Variants in LMBR1 observed in about 807,000 individuals in gnomAD.
LMBR1 encodes limb region 1 protein homolog.
A neutral mutation model predicts 73.9 loss-of-function variants in LMBR1; 52 were observed. The observed-to-expected ratio is 0.70, with a 90% CI of 0.56 to 0.89. The LOEUF (loss-of-function observed/expected upper bound fraction) is 0.89. Among genes scored for constraint, LMBR1 ranks in the 40% least tolerant of loss-of-function variants. The pLI is 0.00. For missense variants in LMBR1, 539 were observed against 579.8 expected, an observed-to-expected ratio of 0.93 and a Z score of 0.72; for synonymous variants, 215 against 209.4, an observed-to-expected ratio of 1.03 and a Z score of -0.23.
intron 5 of LMBR1, among the ~76,000 whole-genome samples, chr7:156,792,261 A>C (rs1219610821): frequency 6.6e-6 from 1 of 152,184 alleles, no homozygotes; most frequent in Admixed American, 6.6e-5. Context: ...AGAGCCACAT[A>C]CTGCAGAAAA....
rs547412436 is a variant in LMBR1 at position 156,885,569 on chromosome 7, C to T, written c.66+7359G>A. On this transcript the variant is annotated intron_variant, in intron 1 of 16. Transcript: ENST00000353442. Reference sequence around the variant, plus strand: ...GAGTTCAAGACCAGTCTGGGTAACACGGAAATAACCCGTCCATACAAAAAT... The same window carrying T: ...GAGTTCAAGACCAGTCTGGGTAACATGGAAATAACCCGTCCATACAAAAAT... 5.1e-4 allele frequency among the ~76,000 whole-genome samples: 78 copies of T among 151,604 alleles called. 1 individual carries two copies. Among genetic ancestry groups the T allele is most frequent in the African/African-American group, 1.7e-3 (69 of 41,310 alleles).
chr7:156,871,682 AAAGAT>A (rs1799311825), intron 1 of LMBR1, among the ~76,000 whole-genome samples: 2 of 152,242 alleles, frequency 1.3e-5, no homozygotes, highest in Admixed American at 1.3e-4. Context: ...AACAAAATAA[AAAGAT>A]AACAATCCTA....
In LMBR1 at chr7:156,811,241, T is replaced by TG. The variant is rs961671099; in HGVS notation, c.320-14750dup. On this transcript the variant is annotated intron_variant, in intron 4 of 16. Coordinates refer to ENST00000353442, the MANE Select transcript of LMBR1 (RefSeq NM_022458.4). ...GCTATAGTTTTCATCTCTAGAATTT[T>TG]GTTTTTTTACATCTTTTACATCTCA... Among the ~76,000 whole-genome samples the TG allele has an allele frequency of 4.0e-5, 5 of 124,722 alleles. No individual in the cohort carries two copies. In the Admixed American group the frequency reaches 4.4e-4, roughly 11 times the overall value. The allele number at this position is 124,722 out of a possible 152,430, so 81.8% of individuals were successfully genotyped here. A position where few individuals can be genotyped will look rare whatever the true frequency, so the allele number is the denominator to read the frequency against.
chr7:156,873,234 G>A (rs909737480), intron 1 of LMBR1, among the ~76,000 whole-genome samples: 4 of 152,080 alleles, frequency 2.6e-5, no homozygotes, highest in African/African-American at 9.7e-5. Flanking sequence ...GCTGGCTCAG[G>A]AGTGAAGCTG....
rs1317024515 is a variant in LMBR1 at position 156,756,519 on chromosome 7, A to T, written c.685-54T>A. The T allele has an allele frequency of 4.7e-6, 4 of 853,382 alleles. No individual in the cohort carries two copies. The East Asian group carries it at 7.4e-5, about 16-fold the overall frequency. 52.9% of individuals were successfully genotyped at this position (853,382 alleles called of 1,614,324 possible). On this transcript the variant is annotated intron_variant, in intron 8 of 16. Coordinates refer to ENST00000353442, the MANE Select transcript of LMBR1 (RefSeq NM_022458.4). ...ATTCAACGTTATAAAACGAATGCTT[A>T]TGAGACCATTTAGGCTATTTGGTCA...
intron 15 of LMBR1, among the ~76,000 whole-genome samples, chr7:156,700,180 T>C (rs931084309): frequency 2.6e-5 from 4 of 152,198 alleles, no homozygotes; most frequent in African/African-American, 9.7e-5. Flanking sequence ...TAAGAAAATG[T>C]GGCACATATA....
chr7:156,848,090 G>A (rs1795751986), intron 1 of LMBR1, among the ~76,000 whole-genome samples: 1 of 150,810 alleles, frequency 6.6e-6, no homozygotes, highest in African/African-American at 2.4e-5. Flanking sequence ...AAAAGATGGA[G>A]TAAAGACTTA....
chr7:156,727,906 A>C, intron 12 of LMBR1, 24 bp downstream of exon 12: 3 of 1,563,018 alleles, frequency 1.9e-6, no homozygotes, highest in Non-Finnish European at 2.6e-6. Context: ...CAAAAGAAAG[A>C]CATTTTAAAG....
At chr7:156,785,035 G>A (rs895742237) in intron 5 of LMBR1, among the ~76,000 whole-genome samples, 2 of 152,150 alleles carry the variant, frequency 1.3e-5, no homozygotes, top group Admixed American at 6.5e-5. Flanking sequence ...AAAGTAAGAA[G>A]GACATAAAAT....
intron 1 of LMBR1, among the ~76,000 whole-genome samples, chr7:156,843,145 C>A (rs557742814): frequency 1.3e-5 from 2 of 152,278 alleles, no homozygotes; most frequent in South Asian, 4.1e-4. Flanking sequence ...ACAAGCTTCC[C>A]TTTTCCTGCC....
intron 9 of LMBR1, among the ~76,000 whole-genome samples, chr7:156,750,227 T>C (rs1820599871): frequency 3.9e-5 from 6 of 152,164 alleles, no homozygotes. Flanking sequence ...ACACAAAAGC[T>C]GATTATTTCA....
chr7:156,780,924 C>T (rs919855061), intron 5 of LMBR1, among the ~76,000 whole-genome samples: 4 of 152,250 alleles, frequency 2.6e-5, no homozygotes, highest in African/African-American at 9.6e-5. Context: ...GGGGAGAATG[C>T]TTAAAAGAAA....
intron 4 of LMBR1, among the ~76,000 whole-genome samples, chr7:156,818,130 T>A (rs551430392): frequency 1.8e-4 from 28 of 152,350 alleles, no homozygotes; most frequent in African/African-American, 6.7e-4. Context: ...TGACTTAGCA[T>A]CTATTCATAA....
intron 9 of LMBR1, among the ~76,000 whole-genome samples, chr7:156,736,259 T>C (rs2132525667): frequency 6.6e-6 from 1 of 152,338 alleles, no homozygotes; most frequent in Middle Eastern, 3.4e-3. Context: ...GGGCAATAGA[T>C]GCTTGTAGCA....
chr7:156,759,786 G>C (rs1822624411), intron 8 of LMBR1, among the ~76,000 whole-genome samples: 1 of 152,174 alleles, frequency 6.6e-6, no homozygotes, highest in African/African-American at 2.4e-5. Flanking sequence ...CTGGCAAATG[G>C]AGTAATGGAG....
At chr7:156,739,884 C>T (rs1408861652) in intron 9 of LMBR1, among the ~76,000 whole-genome samples, 1 of 152,050 alleles carries the variant, frequency 6.6e-6, no homozygotes, top group African/African-American at 2.4e-5. Flanking sequence ...GAAAACATGA[C>T]CTCACCAAAC....
intron 1 of LMBR1, among the ~76,000 whole-genome samples, chr7:156,878,400 A>C (rs1335503990): frequency 8.5e-5 from 13 of 152,220 alleles, no homozygotes; most frequent in Admixed American, 8.5e-4. Flanking sequence ...TCTCCTATAC[A>C]TCAACAGTGA....
At chr7:156,704,974 G>A (rs10228997) in intron 15 of LMBR1, among the ~76,000 whole-genome samples, 108,388 of 151,920 alleles carry the variant, frequency 0.71, 39,186 homozygotes, top group African/African-American at 0.83. Context: ...CTAACGTACA[G>A]ATTCCTGAGG....
intron 15 of LMBR1, among the ~76,000 whole-genome samples, chr7:156,699,176 A>C (rs1453173565): frequency 2.4e-5 from 3 of 127,242 alleles, no homozygotes; most frequent in Non-Finnish European, 5.6e-5. Context: ...TACAGTAACC[A>C]AAACAGCATG....
Sources: allele counts gnomAD v4.1 joint callset (sites outside exome capture counted in the v4.1 genomes callset), GRCh38; gene constraint gnomAD v4.1.1; transcripts MANE v1.5; gene names NCBI Gene and HGNC (gene_info 2026-07-23, HGNC 2026-07-21).